The following KAZN variants were observed in gnomAD, a reference collection of about 807,000 sequenced individuals.
The protein encoded by KAZN is kazrin.
Under a neutral mutation model 87.4 loss-of-function variants are expected in KAZN, and 40 were observed. The ratio of observed to expected loss-of-function variants is 0.46; its 90% CI spans 0.36 to 0.60. The LOEUF (loss-of-function observed/expected upper bound fraction) is 0.60. Ranked by LOEUF, KAZN falls within the 20% of genes least tolerant of loss-of-function variation. KAZN has a pLI of 0.00. For missense variants in KAZN, 898 were observed against 1,073.9 expected, an observed-to-expected ratio of 0.84 and a Z score of 2.29; for synonymous variants, 466 against 458.3, an observed-to-expected ratio of 1.02 and a Z score of -0.22.
chr1:14,486,738 GGGA>G (rs1166403230), intron 2 of KAZN, among the ~76,000 whole-genome samples: 1 of 152,172 alleles, frequency 6.6e-6, no homozygotes, highest in Non-Finnish European at 1.5e-5. Context: ...CTTCAGGCTT[GGGA>G]GGAGAATTCC....
chr1:14,608,766 G>A (rs554159755), intron 1 of KAZN, among the ~76,000 whole-genome samples: 9 of 152,296 alleles, frequency 5.9e-5, no homozygotes, highest in South Asian at 2.1e-4. Flanking sequence ...AAGCTCACCC[G>A]TTGTATCATC....
chr1:14,198,829 A>G (rs185422621), intron 2 of KAZN, among the ~76,000 whole-genome samples: 2 of 152,160 alleles, frequency 1.3e-5, no homozygotes, highest in Non-Finnish European at 2.9e-5. Context: ...TAATCTCCAT[A>G]TGACAGATGA....
chr1:14,097,231 T>C (rs1644149052), intron 1 of KAZN, among the ~76,000 whole-genome samples: 1 of 152,224 alleles, frequency 6.6e-6, no homozygotes, highest in Non-Finnish European at 1.5e-5. Context: ...CCCATTGCCA[T>C]AGTCCAGGGA....
At chr1:14,445,369 T>G (rs191415285) in intron 2 of KAZN, among the ~76,000 whole-genome samples, 153 of 152,162 alleles carry the variant, frequency 1.0e-3, no homozygotes, top group African/African-American at 3.1e-3. Context: ...AACAGACACA[T>G]ATGCTCGGGG....
chr1:14,783,181 ACATGGTCCCTG>A (rs1645407863), intron 1 of KAZN, among the ~76,000 whole-genome samples: 1 of 152,228 alleles, frequency 6.6e-6, no homozygotes. Context: ...TTGCTACTCA[ACATGGTCCCTG>A]CAAAATGCCA....
At chr1:15,082,080 G>A in intron 8 of KAZN, among the ~76,000 whole-genome samples, 1 of 152,156 alleles carries the variant, frequency 6.6e-6, no homozygotes, top group Non-Finnish European at 1.5e-5. Context: ...ATGGAATTCA[G>A]CAGGGGACGT....
At chr1:14,719,007 G>A (rs1642954034) in intron 1 of KAZN, among the ~76,000 whole-genome samples, 1 of 152,112 alleles carries the variant, frequency 6.6e-6, no homozygotes, top group Admixed American at 6.5e-5. Context: ...GAGTCTCTAA[G>A]GGTGCAGGCT....
intron 1 of KAZN, among the ~76,000 whole-genome samples, chr1:14,697,428 C>T (rs911224403): frequency 2.0e-5 from 3 of 152,202 alleles, no homozygotes; most frequent in South Asian, 2.1e-4. Context: ...ACAATGACCT[C>T]CTGTCCGTAA....
Position 15,015,087 on chromosome 1 carries a change from G to A in KAZN, c.419-19662G>A, listed in dbSNP as rs374595643. 9.2e-5 allele frequency among the ~76,000 whole-genome samples: 14 copies of A among 152,066 alleles called. No homozygotes were observed. The East Asian group carries it at 1.7e-3, about 19-fold the overall frequency. ...TGACACATAGTATGAACTAAAGACT[G>A]CTTTTTTCAAGTTTATAAGAACTTT... On this transcript the variant is annotated intron_variant, in intron 2 of 14. Transcript: ENST00000376030.
intron 1 of KAZN, among the ~76,000 whole-genome samples, chr1:14,935,155 C>G (rs527989039): frequency 6.6e-6 from 1 of 152,376 alleles, no homozygotes; most frequent in African/African-American, 2.4e-5. Context: ...GAGGCTACCC[C>G]TTGGGTTCTG....
At chr1:14,611,513 G>A (rs1429630201) in intron 1 of KAZN, among the ~76,000 whole-genome samples, 7 of 151,952 alleles carry the variant, frequency 4.6e-5, no homozygotes, top group Non-Finnish European at 1.0e-4. Context: ...ATAGTGAGAC[G>A]CTATCTCTAC....
intron 2 of KAZN, among the ~76,000 whole-genome samples, chr1:14,471,670 A>C (rs74059532): frequency 3.5e-4 from 53 of 152,326 alleles, no homozygotes; most frequent in African/African-American, 1.3e-3. Context: ...TTTCAGGCTC[A>C]TTTATACTCA....
intron 2 of KAZN, among the ~76,000 whole-genome samples, chr1:14,551,815 A>G (rs763128496): frequency 6.6e-6 from 1 of 152,140 alleles, no homozygotes; most frequent in Non-Finnish European, 1.5e-5. Flanking sequence ...GGAAGGTAGT[A>G]TCGGTATAAT....
intron 1 of KAZN, among the ~76,000 whole-genome samples, chr1:14,889,204 C>T (rs1433981048): frequency 6.6e-6 from 1 of 152,138 alleles, no homozygotes; most frequent in Non-Finnish European, 1.5e-5. Context: ...GTCACAAGCC[C>T]ACATCTGCCA....
intron 1 of KAZN, among the ~76,000 whole-genome samples, chr1:14,803,160 C>G (rs1216985464): frequency 6.9e-6 from 1 of 144,466 alleles, no homozygotes; most frequent in Non-Finnish European, 1.5e-5. Context: ...TGTGCTAAAG[C>G]CTCCCTTCAT....
intron 1 of KAZN, among the ~76,000 whole-genome samples, chr1:13,950,696 G>A (rs1641312640): frequency 6.6e-6 from 1 of 152,172 alleles, no homozygotes; most frequent in Admixed American, 6.5e-5. Context: ...CCTAGAAGGA[G>A]CTGCGGCCTG....
At chr1:14,537,341 C>T (rs749979632) in intron 2 of KAZN, among the ~76,000 whole-genome samples, 1 of 152,230 alleles carries the variant, frequency 6.6e-6, no homozygotes, top group Non-Finnish European at 1.5e-5. Flanking sequence ...GTAGCCACTA[C>T]CTTCATGCCA....
chr1:14,122,120 T>G (rs1644764809), intron 1 of KAZN, among the ~76,000 whole-genome samples: 1 of 151,994 alleles, frequency 6.6e-6, no homozygotes, highest in South Asian at 2.1e-4. Context: ...AGACGGGAAG[T>G]GCTGCAACAG....
At chr1:14,956,659 C>T (rs7547875) in intron 1 of KAZN, among the ~76,000 whole-genome samples, 4,116 of 151,898 alleles carry the variant, frequency 0.027, 184 homozygotes, top group African/African-American at 0.095. Flanking sequence ...ACCTGTGTGA[C>T]AATGGACATA....
Sources: gnomAD v4.1 joint callset for allele counts (sites outside exome capture counted in the v4.1 genomes callset) on GRCh38, gnomAD v4.1.1 for gene constraint, MANE v1.5 for transcripts, NCBI Gene and HGNC (gene_info 2026-07-23, HGNC 2026-07-21) for gene names.